The following OR8G1 variants were observed in gnomAD, a reference collection of about 807,000 sequenced individuals.
The protein encoded by OR8G1 is olfactory receptor family 8 subfamily G member 1.
For missense variants in OR8G1, 372 were observed against 356.2 expected, an observed-to-expected ratio of 1.04 and a Z score of -0.36; for synonymous variants, 129 against 133.3, an observed-to-expected ratio of 0.97 and a Z score of 0.22.
chr11:124,248,489 A>T (rs1861833687), intron 2 of OR8G1, among the ~76,000 whole-genome samples: 1 of 151,954 alleles, frequency 6.6e-6, no homozygotes, highest in Non-Finnish European at 1.5e-5. Context: ...GATATTTTAT[A>T]GTTTAGCCTT....
rs991769721 is a variant in OR8G1, at chr11:124,253,271, A to G, written c.*2660A>G. 26 of 152,082 alleles carry G rather than the reference A, an allele frequency of 1.7e-4. No individual in the cohort carries two copies. The highest frequency in any genetic ancestry group is 6.0e-4 in the African/African-American group (25 of 41,390). 9.4% of individuals were successfully genotyped at this position (152,082 alleles called of 1,614,324 possible). ...CCTCATTTCTGCAGAAAATACAAAA[A>G]TTAGCTGGGCATGGTGGTGTGTGCC... On this transcript the variant is annotated 3_prime_UTR_variant, in exon 3 of 3. Coordinates refer to ENST00000641972, the MANE Select transcript of OR8G1 (RefSeq NM_001002905.2).
At chr11:124,245,414 T>C (rs12785892) in intron 1 of OR8G1, among the ~76,000 whole-genome samples, 75,681 of 149,278 alleles carry the variant, frequency 0.51, 19,844 homozygotes, top group South Asian at 0.69. Context: ...CAGTCTATCA[T>C]TGTTGGACAT....
chr11:124,249,574 A>G (rs1445996880), intron 2 of OR8G1, 86 bp from the exon 3 acceptor site: 1 of 1,364,716 alleles, frequency 7.3e-7, no homozygotes. Flanking sequence ...AAGCATGAAT[A>G]TCTGGGAACC....
rs566972724 is a variant in OR8G1 at position 124,252,310 on chromosome 11, A to G, written c.*1699A>G. On this transcript the variant is annotated 3_prime_UTR_variant, in exon 3 of 3. Coordinates refer to ENST00000641972, the MANE Select transcript of OR8G1 (RefSeq NM_001002905.2). ...ATTTCTTTAAGCTTATTTACTTATT[A>G]CTTATTTGCTATTACTAGTGTATCT... 10 of 152,306 alleles carry G rather than the reference A, an allele frequency of 6.6e-5. No homozygotes were observed. The East Asian group carries it at 1.7e-3, about 26-fold the overall frequency. The allele number at this position is 152,306 out of a possible 1,614,324, so 9.4% of individuals were successfully genotyped here.
chr11:124,249,740 A>G lies in OR8G1; in HGVS notation c.65A>G (p.Glu22Gly). 4 of 1,613,676 alleles carry G rather than the reference A, an allele frequency of 2.5e-6. No individual in the cohort carries two copies. Among genetic ancestry groups the G allele is most frequent in the Non-Finnish European group, 1.7e-6 (2 of 1,179,776 alleles). ...CTGGCTGGGCTCTCAGAACAGCCAGAGCTCCAGCTGCCCCTCTTCCTCCTG... is the reference window on the plus strand; with the variant it reads ...CTGGCTGGGCTCTCAGAACAGCCAGGGCTCCAGCTGCCCCTCTTCCTCCTG... ...FILAGLSEQP[E>G]LQLPLFLLFL... Residue 22 changes from glutamate (E) to glycine (G), a missense_variant, in exon 3 of 3, where the codon GAG becomes GGG. Glu to Gly is a moderately conservative substitution (Grantham distance 98). Coordinates refer to ENST00000641972, the MANE Select transcript of OR8G1 (RefSeq NM_001002905.2).
intron 1 of OR8G1, among the ~76,000 whole-genome samples, chr11:124,246,263 A>G (rs1861809367): frequency 6.6e-6 from 1 of 152,018 alleles, no homozygotes; most frequent in Non-Finnish European, 1.5e-5. Flanking sequence ...TTCTATAAAC[A>G]TTGCATGTAT....
intron 1 of OR8G1, among the ~76,000 whole-genome samples, chr11:124,243,273 C>G (rs1036080165): frequency 3.3e-5 from 5 of 151,544 alleles, no homozygotes; most frequent in African/African-American, 1.2e-4. Context: ...GACCAGGAGC[C>G]CTATATTTTT....
chr11:124,254,076 C>T lies in OR8G1; in HGVS notation c.*3465C>T, dbSNP rs1861888252. 6.6e-6 allele frequency: 1 copy of T among 152,096 alleles called. No homozygotes were observed. The highest frequency in any genetic ancestry group is 6.6e-5 in the Admixed American group (1 of 15,262). 9.4% of individuals were successfully genotyped at this position (152,096 alleles called of 1,614,324 possible). On this transcript the variant is annotated 3_prime_UTR_variant, in exon 3 of 3. Coordinates refer to ENST00000641972, the MANE Select transcript of OR8G1 (RefSeq NM_001002905.2). ...ATACCCGATAGTGGTATTGCTAGGT[C>T]ATATGGTAGTTCAATTTTTAATTTT...
chr11:124,242,853 A>AT (rs1485033977), intron 1 of OR8G1, among the ~76,000 whole-genome samples: 4 of 151,932 alleles, frequency 2.6e-5, no homozygotes, highest in African/African-American at 9.7e-5. Context: ...TTTTTTAGCT[A>AT]TTTTCAGTGT....
In OR8G1 at chr11:124,250,636, A is replaced by G. The variant is rs1861863018; in HGVS notation, c.*25A>G. 5.7e-6 allele frequency: 2 copies of G among 348,890 alleles called. 1 individual carries two copies. Among genetic ancestry groups the G allele is most frequent in the South Asian group, 2.3e-4 (2 of 8,880 alleles). 21.6% of individuals were successfully genotyped at this position (348,890 alleles called of 1,614,324 possible). A position where few individuals can be genotyped will look rare whatever the true frequency, so the allele number is the denominator to read the frequency against. On this transcript the variant is annotated 3_prime_UTR_variant, in exon 3 of 3. Transcript: ENST00000641972. ...AACAGTAATAATAAGAAGATGATAT[A>G]TTAATCCTAAGTAGTGGACTGTTAC... is the stretch of plus-strand genomic sequence containing the variant.
chr11:124,243,439 C>T (rs574276007), intron 1 of OR8G1, among the ~76,000 whole-genome samples: 12 of 151,860 alleles, frequency 7.9e-5, no homozygotes, highest in Non-Finnish European at 1.6e-4. Flanking sequence ...TGAATTCGTT[C>T]GGGAAACCAT....
Position 124,250,795 on chromosome 11 carries a change from G to T in OR8G1, c.*184G>T. The T allele has an allele frequency of 2.0e-5, 6 of 297,128 alleles. No homozygotes were observed. Among genetic ancestry groups the T allele is most frequent in the Non-Finnish European group, 1.1e-5 (2 of 178,038 alleles). The allele number at this position is 297,128 out of a possible 1,614,324, so 18.4% of individuals were successfully genotyped here. On this transcript the variant is annotated 3_prime_UTR_variant, in exon 3 of 3. Coordinates refer to ENST00000641972, the MANE Select transcript of OR8G1 (RefSeq NM_001002905.2). Reference sequence around the variant, plus strand: ...TCCCATGTGGGGTTTTAACTCATATGTATCAATGAGACACAAATTAATATA... The same window carrying T: ...TCCCATGTGGGGTTTTAACTCATATTTATCAATGAGACACAAATTAATATA...
chr11:124,247,701 C>T (rs150773072), intron 1 of OR8G1, 100 bp from the exon 2 acceptor site: 1 of 150,910 alleles, frequency 6.6e-6, no homozygotes, highest in Non-Finnish European at 1.5e-5. Context: ...GCATATAAGA[C>T]AGAGAGAGGA....
intron 1 of OR8G1, among the ~76,000 whole-genome samples, chr11:124,243,277 TA>T (rs1169723076): frequency 6.6e-6 from 1 of 151,990 alleles, no homozygotes; most frequent in African/African-American, 2.4e-5. Flanking sequence ...AGGAGCCCTA[TA>T]TTTTTTATTT....
chr11:124,241,134 A>G lies in OR8G1; in HGVS notation c.-327A>G, dbSNP rs1478258992. On this transcript the variant is annotated 5_prime_UTR_variant, in exon 1 of 3. Transcript: ENST00000641972. Reference sequence around the variant, plus strand: ...CTGGAGAAACAAAAACTGCAAAGTCATAATTAGAAATACTGACCTGTGATG... The same window carrying G: ...CTGGAGAAACAAAAACTGCAAAGTCGTAATTAGAAATACTGACCTGTGATG... 2.6e-5 allele frequency: 4 copies of G among 152,178 alleles called. No individual in the cohort carries two copies. Among genetic ancestry groups the G allele is most frequent in the Non-Finnish European group, 4.4e-5 (3 of 68,054 alleles). The allele number at this position is 152,178 out of a possible 1,614,324, so 9.4% of individuals were successfully genotyped here.
At chr11:124,248,259 T>C (rs1861831896) in intron 2 of OR8G1, among the ~76,000 whole-genome samples, 1 of 151,956 alleles carries the variant, frequency 6.6e-6, no homozygotes, top group African/African-American at 2.4e-5. Flanking sequence ...AAAGCCCTTT[T>C]TCAGATATAT....
In OR8G1 at chr11:124,252,757, A is replaced by G. The variant is rs1280530164; in HGVS notation, c.*2146A>G. 2 of 152,194 alleles carry G rather than the reference A, an allele frequency of 1.3e-5. No individual in the cohort carries two copies. Among genetic ancestry groups the G allele is most frequent in the Admixed American group, 6.5e-5 (1 of 15,272 alleles). 9.4% of individuals were successfully genotyped at this position (152,194 alleles called of 1,614,324 possible). A position where few individuals can be genotyped will look rare whatever the true frequency, so the allele number is the denominator to read the frequency against. On this transcript the variant is annotated 3_prime_UTR_variant, in exon 3 of 3. Transcript: ENST00000641972. ...AGTTAACTTGCATTGAAGGTGTTAC[A>G]CTTCAAATTTCCAGCAAGTGCTTTG... is the stretch of plus-strand genomic sequence containing the variant.
rs531430812 is a variant in OR8G1 at position 124,252,308 on chromosome 11, T to C, written c.*1697T>C. On this transcript the variant is annotated 3_prime_UTR_variant, in exon 3 of 3. Transcript: ENST00000641972. ...TGATTTCTTTAAGCTTATTTACTTA[T>C]TACTTATTTGCTATTACTAGTGTAT... is the stretch of plus-strand genomic sequence containing the variant. 8 of 152,314 alleles carry C rather than the reference T, an allele frequency of 5.3e-5. No individual in the cohort carries two copies. Among genetic ancestry groups the C allele is most frequent in the African/African-American group, 1.9e-4 (8 of 41,580 alleles). 9.4% of individuals were successfully genotyped at this position (152,314 alleles called of 1,614,324 possible).
intron 1 of OR8G1, among the ~76,000 whole-genome samples, chr11:124,241,869 G>A (rs942896636): frequency 6.6e-6 from 1 of 151,974 alleles, no homozygotes; most frequent in Non-Finnish European, 1.5e-5. Flanking sequence ...AAAGTGAAGA[G>A]GGACAAGAGA....
Sources: allele counts gnomAD v4.1 joint callset (sites outside exome capture counted in the v4.1 genomes callset), GRCh38; gene constraint gnomAD v4.1.1; transcripts MANE v1.5; gene names NCBI Gene and HGNC (gene_info 2026-07-23, HGNC 2026-07-21).